Variants in LRRC4C observed in about 807,000 individuals in gnomAD.
The protein encoded by LRRC4C is leucine rich repeat containing 4C, also known as leucine-rich repeat-containing protein 4C.
Under a neutral mutation model 33.6 loss-of-function variants are expected in LRRC4C, and 5 were observed. The ratio of observed to expected loss-of-function variants is 0.15; its 90% confidence interval spans 0.08 to 0.31. The LOEUF (loss-of-function observed/expected upper bound fraction) is 0.31, where lower values mean the gene tolerates loss of function less well. Among genes scored for constraint, LRRC4C ranks in the 10% least tolerant of loss-of-function variants. The pLI is 1.00. For synonymous variants in LRRC4C, 329 were observed against 302.0 expected (o/e 1.09, Z -0.93); for missense variants, 560 against 796.7 (o/e 0.70, Z 3.58).
chr11:40,898,214 C>T lies in LRRC4C; in HGVS notation c.-407+35421G>A, dbSNP rs541247057. On this transcript the variant is annotated intron_variant, in intron 2 of 6. Transcript: ENST00000528697. ...TACTAAAAATACAAAATTAGCCAGG[C>T]GTAGTGATGTATGCCTGTAATCCCA... Among the ~76,000 whole-genome samples, 120 of 151,436 alleles carry T rather than the reference C, an allele frequency of 7.9e-4. 1 individual carries two copies. Among genetic ancestry groups the T allele is most frequent in the African/African-American group, 2.2e-3 (90 of 41,274 alleles).
At chr11:40,317,606 T>C (rs1945639455) in intron 4 of LRRC4C, among the ~76,000 whole-genome samples, 1 of 152,130 alleles carries the variant, frequency 6.6e-6, no homozygotes, top group Non-Finnish European at 1.5e-5. Context: ...TTCATCAAGA[T>C]ACTGAAACGT....
intron 3 of LRRC4C, among the ~76,000 whole-genome samples, chr11:40,370,316 T>G (rs989916740): frequency 5.3e-5 from 8 of 152,098 alleles, no homozygotes; most frequent in Admixed American, 3.3e-4. Context: ...AACCGCAACA[T>G]CTAAAACACT....
At chr11:40,744,952 T>A (rs1008210949) in intron 2 of LRRC4C, among the ~76,000 whole-genome samples, 1 of 152,146 alleles carries the variant, frequency 6.6e-6, no homozygotes, top group African/African-American at 2.4e-5. Context: ...CTGCTCAAAG[T>A]CTTTGTTTTC....
chr11:41,357,555 C>T (rs187326337), intron 1 of LRRC4C, among the ~76,000 whole-genome samples: 35 of 152,106 alleles, frequency 2.3e-4, no homozygotes, highest in Admixed American at 1.9e-3. Context: ...GGAAGAAGGA[C>T]TGGATTTGCG....
At chr11:41,013,257 C>A (rs762132017) in intron 1 of LRRC4C, among the ~76,000 whole-genome samples, 1 of 152,188 alleles carries the variant, frequency 6.6e-6, no homozygotes, top group Non-Finnish European at 1.5e-5. Context: ...TCTAGTTACT[C>A]ATTGTATCCA....
In LRRC4C at chr11:40,310,340, C is replaced by T. The variant is rs184312907; in HGVS notation, c.-176+9288G>A. ...TAGGTAAATAAGGAATGAATCAGAA[C>T]CCCAAAGTAACTATTGTGGTTAGTT... On this transcript the variant is annotated intron_variant, in intron 4 of 6. Transcript: ENST00000528697. Among the ~76,000 whole-genome samples, 147 of 152,194 alleles carry T rather than the reference C, an allele frequency of 9.7e-4. 2 individuals carry two copies. Among genetic ancestry groups the T allele is most frequent in the African/African-American group, 3.4e-3 (141 of 41,494 alleles).
At chr11:41,100,294 C>A (rs758678681) in intron 1 of LRRC4C, among the ~76,000 whole-genome samples, 1 of 151,958 alleles carries the variant, frequency 6.6e-6, no homozygotes, top group East Asian at 1.9e-4. Flanking sequence ...TGGCTGGGTG[C>A]GGTGGCTCAC....
rs77409889 is a variant in LRRC4C, at chr11:40,617,088, A to G, written c.-270+31054T>C. On this transcript the variant is annotated intron_variant, in intron 3 of 6. Transcript: ENST00000528697. ...CAGTTGTCTCACCCACATCTAGGTG[A>G]AGACATCTGAGTGCTCTATTATGTT... Among the ~76,000 whole-genome samples the G allele has an allele frequency of 5.1e-3, 776 of 151,872 alleles. 3 individuals are homozygous for G. Among genetic ancestry groups the G allele is most frequent in the Non-Finnish European group, 8.9e-3 (603 of 67,796 alleles).
intron 3 of LRRC4C, among the ~76,000 whole-genome samples, chr11:40,642,934 G>A (rs774796850): frequency 6.6e-5 from 10 of 152,170 alleles, no homozygotes; most frequent in African/African-American, 2.4e-4. Flanking sequence ...ACTTACAGAA[G>A]GATAAAATAG....
At chr11:40,805,719 A>G (rs990242265) in intron 2 of LRRC4C, among the ~76,000 whole-genome samples, 2 of 152,142 alleles carry the variant, frequency 1.3e-5, no homozygotes, top group Non-Finnish European at 2.9e-5. Context: ...AAACACAGAT[A>G]TATCTGTTAT....
chr11:40,748,881 C>A (rs1037468643), intron 2 of LRRC4C, among the ~76,000 whole-genome samples: 5 of 152,008 alleles, frequency 3.3e-5, no homozygotes, highest in Admixed American at 2.0e-4. Flanking sequence ...TAGTAAAAGA[C>A]AAAAACAGAT....
At chr11:41,186,829 G>A (rs758065446) in intron 1 of LRRC4C, among the ~76,000 whole-genome samples, 3 of 152,134 alleles carry the variant, frequency 2.0e-5, no homozygotes, top group Non-Finnish European at 4.4e-5. Context: ...AGGTAGTCAC[G>A]TGTGCCTTGT....
chr11:41,148,912 G>A (rs908599089), intron 1 of LRRC4C, among the ~76,000 whole-genome samples: 3 of 152,072 alleles, frequency 2.0e-5, no homozygotes, highest in African/African-American at 7.2e-5. Context: ...AGAAGTTACC[G>A]AATCATAGCA....
chr11:40,214,944 T>C lies in LRRC4C; in HGVS notation c.-96+26575A>G, dbSNP rs1316261104. ...GTGAGCTCACATTTTACATTAAAGGTGTTGCTGGTACTCCCTGGAGTTGTA... is the reference window on the plus strand; with the variant it reads ...GTGAGCTCACATTTTACATTAAAGGCGTTGCTGGTACTCCCTGGAGTTGTA... On this transcript the variant is annotated intron_variant, in intron 5 of 6. Coordinates refer to ENST00000528697, the MANE Select transcript of LRRC4C (RefSeq NM_001258419.2). 2.0e-5 allele frequency among the ~76,000 whole-genome samples: 3 copies of C among 152,250 alleles called. No homozygotes were observed. The South Asian group carries it at 6.2e-4, about 32-fold the overall frequency.
chr11:41,038,360 T>C (rs1857225275), intron 1 of LRRC4C, among the ~76,000 whole-genome samples: 1 of 152,234 alleles, frequency 6.6e-6, no homozygotes, highest in African/African-American at 2.4e-5. Flanking sequence ...TATTTTTGTA[T>C]AAATCCCTAT....
chr11:40,387,675 CAA>C (rs1949164255), intron 3 of LRRC4C, among the ~76,000 whole-genome samples: 1 of 152,076 alleles, frequency 6.6e-6, no homozygotes, highest in African/African-American at 2.4e-5. Context: ...ATATTTGTAT[CAA>C]AAGAGACAGT....
chr11:40,487,697 G>C (rs1215533793), intron 3 of LRRC4C, among the ~76,000 whole-genome samples: 1 of 151,946 alleles, frequency 6.6e-6, no homozygotes, highest in Non-Finnish European at 1.5e-5. Context: ...GTTATAAAAG[G>C]AATTTATATA....
chr11:41,345,134 A>G (rs1405493383), intron 1 of LRRC4C, among the ~76,000 whole-genome samples: 2 of 152,248 alleles, frequency 1.3e-5, no homozygotes, highest in Non-Finnish European at 2.9e-5. Context: ...TGTTTTCATG[A>G]AAAGATGGCT....
chr11:41,167,272 A>G (rs1175830183), intron 1 of LRRC4C, among the ~76,000 whole-genome samples: 1 of 152,180 alleles, frequency 6.6e-6, no homozygotes, highest in African/African-American at 2.4e-5. Context: ...CCAGCACTAC[A>G]ACCTAACACA....
Sources: allele counts gnomAD v4.1 joint callset (sites outside exome capture counted in the v4.1 genomes callset), GRCh38; gene constraint gnomAD v4.1.1; transcripts MANE v1.5; gene names NCBI Gene and HGNC (gene_info 2026-07-23, HGNC 2026-07-21).